The following NEK11 variants were observed in gnomAD, a reference collection of about 807,000 sequenced individuals.
NEK11 encodes the protein serine/threonine-protein kinase Nek11.
A neutral mutation model predicts 80.7 loss-of-function variants in NEK11; 72 were observed. That is an observed-to-expected ratio of 0.89 (90% confidence interval 0.74 to 1.08). The LOEUF (loss-of-function observed/expected upper bound fraction) is 1.08, where lower values mean the gene tolerates loss of function less well. Ranked by LOEUF, NEK11 falls within the 50% of genes least tolerant of loss-of-function variation. NEK11 has a pLI of 0.00. For missense variants in NEK11, 764 were observed against 763.6 expected (o/e 1.00, Z -0.01); for synonymous variants, 251 against 260.7 (o/e 0.96, Z 0.36).
intron 17 of NEK11, among the ~76,000 whole-genome samples, chr3:131,295,026 C>A (rs2096579345): frequency 6.6e-6 from 1 of 151,900 alleles, no homozygotes; most frequent in Admixed American, 6.6e-5. Context: ...GTTTTTTGAT[C>A]CACCCTGACA....
At chr3:131,282,896 AT>A (rs2096418672) in intron 17 of NEK11, among the ~76,000 whole-genome samples, 2 of 152,190 alleles carry the variant, frequency 1.3e-5, no homozygotes, top group South Asian at 4.1e-4. Flanking sequence ...ACCAGCTCAG[AT>A]TTTGAACTGG....
At chr3:131,295,573 T>C (rs901173047) in intron 17 of NEK11, among the ~76,000 whole-genome samples, 1 of 152,230 alleles carries the variant, frequency 6.6e-6, no homozygotes, top group African/African-American at 2.4e-5. Flanking sequence ...AAACAATTTT[T>C]AAGGCCAATT....
intron 10 of NEK11, among the ~76,000 whole-genome samples, chr3:131,161,604 T>C (rs2091596286): frequency 6.6e-6 from 1 of 152,202 alleles, no homozygotes; most frequent in African/African-American, 2.4e-5. Flanking sequence ...TAATGCATGT[T>C]CTCACTTATA....
At chr3:131,043,640 G>A (rs2066882861) in intron 3 of NEK11, among the ~76,000 whole-genome samples, 1 of 152,222 alleles carries the variant, frequency 6.6e-6, no homozygotes, top group Admixed American at 6.5e-5. Flanking sequence ...ACATTTGATT[G>A]GTGTACCTGT....
chr3:131,083,722 G>A (rs1268332075), intron 4 of NEK11, among the ~76,000 whole-genome samples: 1 of 152,070 alleles, frequency 6.6e-6, no homozygotes, highest in Non-Finnish European at 1.5e-5. Context: ...CATTAGTGAG[G>A]CTTCTGCATC....
chr3:131,186,034 C>G (rs866108030), intron 14 of NEK11, among the ~76,000 whole-genome samples: 3 of 152,152 alleles, frequency 2.0e-5, no homozygotes, highest in African/African-American at 7.2e-5. Flanking sequence ...ATACACAAAG[C>G]TGAGCACAGC....
intron 15 of NEK11, 40 bp from the exon 16 acceptor site, chr3:131,243,396 C>T (rs779583898): frequency 1.3e-6 from 2 of 1,571,258 alleles, no homozygotes; most frequent in South Asian, 1.1e-5. Context: ...TATCCTTCTA[C>T]CATACAGGGA....
chr3:131,152,789 G>A, intron 9 of NEK11, 80 bp downstream of exon 9: 1 of 995,260 alleles, frequency 1.0e-6, no homozygotes, highest in Non-Finnish European at 1.5e-6. Flanking sequence ...TATGCAGTGG[G>A]GATATGATTC....
intron 15 of NEK11, among the ~76,000 whole-genome samples, chr3:131,234,510 C>A (rs905125972): frequency 2.0e-5 from 3 of 152,190 alleles, no homozygotes; most frequent in African/African-American, 4.8e-5. Flanking sequence ...AAGCCATCAG[C>A]CTTGCTACAG....
intron 4 of NEK11, among the ~76,000 whole-genome samples, chr3:131,100,485 G>T (rs1360705151): frequency 6.6e-6 from 1 of 152,080 alleles, no homozygotes; most frequent in Non-Finnish European, 1.5e-5. Context: ...CAGGATAATC[G>T]TGTGAACCTG....
intron 17 of NEK11, among the ~76,000 whole-genome samples, chr3:131,273,794 T>G (rs953775036): frequency 6.6e-6 from 1 of 152,192 alleles, no homozygotes; most frequent in African/African-American, 2.4e-5. Context: ...TATTTTTCAG[T>G]TGATTTGCAC....
chr3:131,250,258 C>T (rs946192843), intron 16 of NEK11, among the ~76,000 whole-genome samples: 1 of 151,590 alleles, frequency 6.6e-6, no homozygotes, highest in African/African-American at 2.4e-5. Context: ...GAAAAAAGAA[C>T]AGAAAATGAA....
intron 17 of NEK11, among the ~76,000 whole-genome samples, chr3:131,277,196 A>G (rs2096307846): frequency 6.6e-6 from 1 of 152,344 alleles, no homozygotes; most frequent in South Asian, 2.1e-4. Flanking sequence ...TAATCAACCC[A>G]ACCAGTTTAA....
In NEK11 at chr3:131,230,474, A is replaced by C. The variant is rs956342556; in HGVS notation, c.1560+1786A>C. On this transcript the variant is annotated intron_variant, in intron 15 of 17. Coordinates refer to ENST00000383366, the MANE Select transcript of NEK11 (RefSeq NM_024800.5). ...AAGTAATCAATATAAAGTAATTAGA[A>C]TAATGCTCAGAATTTAATAAAATAC... Among the ~76,000 whole-genome samples, 5 of 152,354 alleles carry C rather than the reference A, an allele frequency of 3.3e-5. No homozygotes were observed. In the East Asian group the frequency reaches 9.6e-4, roughly 29 times the overall value.
intron 14 of NEK11, among the ~76,000 whole-genome samples, chr3:131,226,260 A>G (rs1054018913): frequency 2.6e-5 from 4 of 152,100 alleles, no homozygotes; most frequent in African/African-American, 9.7e-5. Flanking sequence ...CTCTCAGGAG[A>G]TTTTAGTTTT....
chr3:131,280,114 G>A (rs2096371961), intron 17 of NEK11, among the ~76,000 whole-genome samples: 1 of 152,296 alleles, frequency 6.6e-6, no homozygotes, highest in East Asian at 1.9e-4. Flanking sequence ...AGAATCTGGG[G>A]GAGCTTCTGA....
At chr3:131,055,298 T>C (rs886221566) in intron 3 of NEK11, among the ~76,000 whole-genome samples, 2 of 152,354 alleles carry the variant, frequency 1.3e-5, no homozygotes, top group African/African-American at 4.8e-5. Context: ...ATGGATAGAT[T>C]GCTGACAATG....
At chr3:131,338,789 G>A (rs2097238631) in intron 17 of NEK11, among the ~76,000 whole-genome samples, 1 of 152,162 alleles carries the variant, frequency 6.6e-6, no homozygotes, top group Admixed American at 6.5e-5. Context: ...TTCTGGAAAA[G>A]GCAAAACTGA....
chr3:131,260,288 C>G (rs2095892751), intron 16 of NEK11, among the ~76,000 whole-genome samples: 2 of 152,094 alleles, frequency 1.3e-5, no homozygotes, highest in Admixed American at 1.3e-4. Flanking sequence ...AACCACAGTT[C>G]TAGTCTGGGC....
Sources: allele counts gnomAD v4.1 joint callset (sites outside exome capture counted in the v4.1 genomes callset), GRCh38; gene constraint gnomAD v4.1.1; transcripts MANE v1.5; gene names NCBI Gene and HGNC (gene_info 2026-07-23, HGNC 2026-07-21).